The following SAXO1 variants were observed in gnomAD, a reference collection of about 807,000 sequenced individuals.
SAXO1 encodes stabilizer of axonemal microtubules 1, also known as 4930500O09Rik.
SAXO1 carries 21 observed loss-of-function variants against 17.5 expected under a neutral mutation model. The ratio of observed to expected loss-of-function variants is 1.20; its 90% CI spans 0.85 to 1.72. The LOEUF is 1.72. Among genes scored for constraint, SAXO1 ranks in the 40% most tolerant of loss-of-function variants. The pLI, the probability that SAXO1 is intolerant of heterozygous loss-of-function variation, is 0.00. For missense variants in SAXO1, 843 were observed against 596.0 expected (o/e 1.41, Z -4.32); for synonymous variants, 274 against 216.5 (o/e 1.27, Z -2.33).
At chr9:18,933,928 C>T (rs1314812118) in intron 3 of SAXO1, among the ~76,000 whole-genome samples, 2 of 152,140 alleles carry the variant, frequency 1.3e-5, no homozygotes, top group African/African-American at 2.4e-5. Flanking sequence ...CGCCTGTAGT[C>T]CCAGCTACTA....
At chr9:19,030,499 G>C (rs1835712547) in intron 1 of SAXO1, among the ~76,000 whole-genome samples, 1 of 152,054 alleles carries the variant, frequency 6.6e-6, no homozygotes, top group East Asian at 1.9e-4. Context: ...TTGAGGTCAG[G>C]AGTTTAAGAC....
At chr9:18,968,738 C>T (rs371720782) in intron 1 of SAXO1, among the ~76,000 whole-genome samples, 28 of 151,998 alleles carry the variant, frequency 1.8e-4, no homozygotes, top group African/African-American at 6.5e-4. Context: ...GGATTACAGG[C>T]ACACGCCACT....
intron 1 of SAXO1, among the ~76,000 whole-genome samples, chr9:18,970,627 G>C (rs1832911692): frequency 6.6e-6 from 1 of 152,174 alleles, no homozygotes; most frequent in African/African-American, 2.4e-5. Flanking sequence ...GTTGTGCTTT[G>C]AGTCTCAGCA....
At chr9:19,041,368 AC>A (rs751919130) in intron 1 of SAXO1, among the ~76,000 whole-genome samples, 1 of 152,176 alleles carries the variant, frequency 6.6e-6, no homozygotes, top group Non-Finnish European at 1.5e-5. Flanking sequence ...TGTTCATGCT[AC>A]CCAAAGCAAT....
In SAXO1 at chr9:18,993,409, A is replaced by G. The variant is rs1320795044; in HGVS notation, c.38+39462T>C. 2.6e-5 allele frequency among the ~76,000 whole-genome samples: 4 copies of G among 152,130 alleles called. No homozygotes were observed. The East Asian group carries it at 7.7e-4, about 29-fold the overall frequency. ...TGATCATGCTTGCTATGTGGCCAGC[A>G]CTGCGCTAATCCTGCAGAAGCTACA... On this transcript the variant is annotated intron_variant, in intron 1 of 3. Transcript: ENST00000380534.
At chr9:18,931,683 T>C (rs192065826) in intron 3 of SAXO1, among the ~76,000 whole-genome samples, 22 of 152,352 alleles carry the variant, frequency 1.4e-4, no homozygotes, top group Admixed American at 1.4e-3. Flanking sequence ...TCAATATTTG[T>C]TATCATCTGT....
At chr9:18,981,825 G>T (rs1389409771) in intron 1 of SAXO1, among the ~76,000 whole-genome samples, 1 of 151,972 alleles carries the variant, frequency 6.6e-6, no homozygotes, top group Non-Finnish European at 1.5e-5. Flanking sequence ...CTTGCCCAAG[G>T]GCCCACCGTA....
At chr9:18,938,826 G>A (rs1044235708) in intron 3 of SAXO1, among the ~76,000 whole-genome samples, 3 of 80,648 alleles carry the variant, frequency 3.7e-5, no homozygotes, top group Admixed American at 2.6e-4. Context: ...GCGTGCGTGT[G>A]TGTGTGTGTG....
chr9:19,001,331 T>C (rs945466868), intron 1 of SAXO1, among the ~76,000 whole-genome samples: 2 of 152,186 alleles, frequency 1.3e-5, no homozygotes, highest in African/African-American at 4.8e-5. Context: ...AACCTGCTCC[T>C]GAATGGCTAC....
chr9:19,046,362 CAGAAAT>C (rs372789607), intron 1 of SAXO1, among the ~76,000 whole-genome samples: 269 of 152,048 alleles, frequency 1.8e-3, no homozygotes, highest in African/African-American at 6.2e-3. Flanking sequence ...AACAAAAAGA[CAGAAAT>C]AGAAAATAAG....
In SAXO1 at chr9:19,032,051, G is replaced by A. The variant is rs571290207; in HGVS notation, c.38+820C>T. Among the ~76,000 whole-genome samples, 14 of 152,248 alleles carry A rather than the reference G, an allele frequency of 9.2e-5. No homozygotes were observed. The South Asian group carries it at 1.0e-3, about 11-fold the overall frequency. Reference sequence around the variant, plus strand: ...TAGTCCTATGAGGTACGTATTGTTGGTACAGATGAGGCGACTATGACCTGG... The same window carrying A: ...TAGTCCTATGAGGTACGTATTGTTGATACAGATGAGGCGACTATGACCTGG... On this transcript the variant is annotated intron_variant, in intron 1 of 3. Transcript: ENST00000380534.
At chr9:18,953,309 C>T (rs1832114619) in intron 1 of SAXO1, among the ~76,000 whole-genome samples, 1 of 152,128 alleles carries the variant, frequency 6.6e-6, no homozygotes, top group Admixed American at 6.5e-5. Context: ...TTCATATAAC[C>T]CCCTTTCCAT....
At position 19,045,215 on chromosome 9, in the gene SAXO1, C is replaced by G. The variant is rs538626523; in HGVS notation, c.-158+3994G>C. Among the ~76,000 whole-genome samples the G allele has an allele frequency of 1.5e-4, 22 of 145,884 alleles. No individual in the cohort carries two copies. The South Asian group carries it at 3.1e-3, about 21-fold the overall frequency. On this transcript the variant is annotated intron_variant, in intron 1 of 3. Transcript: ENST00000542071. ...GTCCCAGCTACTCGGGAGGCTGAGG[C>G]AGGAGAATGGCGTGAACCTGGGAAG...
chr9:18,962,757 T>C (rs1832539915), intron 1 of SAXO1, among the ~76,000 whole-genome samples: 1 of 152,248 alleles, frequency 6.6e-6, no homozygotes, highest in African/African-American at 2.4e-5. Flanking sequence ...GTAGGTTGCC[T>C]GTTCACTCTA....
chr9:18,937,139 A>T (rs779264384), intron 3 of SAXO1, among the ~76,000 whole-genome samples: 1 of 152,230 alleles, frequency 6.6e-6, no homozygotes, highest in Non-Finnish European at 1.5e-5. Context: ...AGACACAAAC[A>T]TGTCACCCAA....
chr9:18,961,558 A>G (rs1345205459), intron 1 of SAXO1, among the ~76,000 whole-genome samples: 3 of 151,220 alleles, frequency 2.0e-5, no homozygotes, highest in Admixed American at 6.6e-5. Context: ...TCATTGTTCA[A>G]CTCCCACTTA....
At chr9:19,023,139 A>T (rs1013908779) in intron 1 of SAXO1, among the ~76,000 whole-genome samples, 2 of 116,042 alleles carry the variant, frequency 1.7e-5, no homozygotes, top group Non-Finnish European at 3.7e-5. Flanking sequence ...ACCAGATTAC[A>T]TCCCCCCCCA....
At chr9:19,001,345 G>A (rs1391376893) in intron 1 of SAXO1, among the ~76,000 whole-genome samples, 1 of 152,128 alleles carries the variant, frequency 6.6e-6, no homozygotes, top group Non-Finnish European at 1.5e-5. Flanking sequence ...TGGCTACTGG[G>A]TACATAACGA....
upstream of SAXO1, among the ~76,000 whole-genome samples, chr9:19,035,218 A>C: frequency 6.6e-6 from 1 of 152,062 alleles, no homozygotes; most frequent in East Asian, 1.9e-4. Context: ...TAATTCCCAC[A>C]TGTTGTGGGA....
Sources: allele counts gnomAD v4.1 joint callset (sites outside exome capture counted in the v4.1 genomes callset), GRCh38; gene constraint gnomAD v4.1.1; transcripts MANE v1.5; gene names NCBI Gene and HGNC (gene_info 2026-07-23, HGNC 2026-07-21).